FBXO28: variants seen among roughly 807,000 people sequenced by gnomAD.
FBXO28 encodes F-box protein 28, also known as F-box only protein 28.
FBXO28 carries 8 observed loss-of-function variants against 38.1 expected under a neutral mutation model. The observed-to-expected ratio is 0.21, with a 90% confidence interval of 0.12 to 0.38. FBXO28 has a LOEUF of 0.38. FBXO28 is among the 10% of genes least tolerant of loss of function. FBXO28 has a pLI of 1.00. For synonymous variants in FBXO28, 168 were observed against 173.8 expected, an observed-to-expected ratio of 0.97 and a Z score of 0.26; for missense variants, 345 against 460.6, an observed-to-expected ratio of 0.75 and a Z score of 2.30.
In FBXO28 at chr1:224,153,148, G is replaced by A; in HGVS notation, c.523G>A (p.Asp175Asn). The A allele has an allele frequency of 6.3e-7, 1 of 1,588,392 alleles. No individual in the cohort carries two copies. Among genetic ancestry groups the A allele is most frequent in the Non-Finnish European group, 8.5e-7 (1 of 1,173,522 alleles). Residue 175 changes from aspartate to asparagine, a missense_variant, in exon 4 of 5, where the codon GAT becomes AAT. Around this residue, in one of 6 missense-constraint regions of FBXO28, gnomAD observed 24 missense variants for 24.6 expected, o/e 0.98. Transcript: ENST00000366862. ...LCCFIPGKVI[D>N]EIYRVLRYVN... ...TGAGAATTCATTATTTTAGGTGATT[G>A]ATGAGATTTATCGTGTGTTGAGATA... is the stretch of plus-strand genomic sequence containing the variant.
chr1:224,120,888 G>T (rs985817925), intron 1 of FBXO28, among the ~76,000 whole-genome samples: 4 of 148,906 alleles, frequency 2.7e-5, no homozygotes, highest in Non-Finnish European at 4.5e-5. Context: ...AAGAAAGAAA[G>T]AAAAGAAAAT....
In FBXO28 at chr1:224,160,304, T is replaced by TAA. The variant is rs763343565; in HGVS notation, c.*2560_*2561dup. 3 of 152,268 alleles carry TAA rather than the reference T, an allele frequency of 2.0e-5. No individual in the cohort carries two copies. Among genetic ancestry groups the TAA allele is most frequent in the Non-Finnish European group, 4.4e-5 (3 of 68,048 alleles). 9.4% of individuals were successfully genotyped at this position (152,268 alleles called of 1,614,324 possible). On this transcript the variant is annotated 3_prime_UTR_variant, in exon 5 of 5. Coordinates refer to ENST00000366862, the MANE Select transcript of FBXO28 (RefSeq NM_015176.4). The stretch of plus-strand genomic sequence containing the variant: ...TGCCCTGCATTTTAAGTCAGGTATT[T>TAA]AAATACTGCGTGTTGTTAATATTGC...
chr1:224,133,988 T>G (rs917561751), intron 2 of FBXO28, 86 bp from the exon 3 acceptor site: 5 of 942,410 alleles, frequency 5.3e-6, no homozygotes, highest in Non-Finnish European at 7.3e-6. Flanking sequence ...AAAGACTGTT[T>G]CATTAAGCCA....
chr1:224,128,983 CA>C (rs11309343), intron 1 of FBXO28, among the ~76,000 whole-genome samples: 5,357 of 98,092 alleles, frequency 0.055, 270 homozygotes, highest in African/African-American at 0.19. Flanking sequence ...AAGACCCTGT[CA>C]AAAAAAAAAA....
At chr1:224,115,224 C>T (rs187623328) in intron 1 of FBXO28, among the ~76,000 whole-genome samples, 82 of 152,320 alleles carry the variant, frequency 5.4e-4, no homozygotes, top group African/African-American at 1.9e-3. Flanking sequence ...TTTTACTTCA[C>T]TCCAGAGGTT....
At chr1:224,114,428 T>TC (rs778392735) in intron 1 of FBXO28, 32 bp downstream of exon 1, 130 of 1,469,124 alleles carry the variant, frequency 8.8e-5, no homozygotes, top group Non-Finnish European at 1.1e-4. Flanking sequence ...TGCCTCCCTC[T>TC]CCCCCCGGCC....
chr1:224,149,186 T>G (rs559143168), intron 3 of FBXO28, among the ~76,000 whole-genome samples: 1 of 152,330 alleles, frequency 6.6e-6, no homozygotes, highest in East Asian at 1.9e-4. Context: ...TATTCTATAT[T>G]TTTACAAGTC....
intron 1 of FBXO28, among the ~76,000 whole-genome samples, chr1:224,115,929 A>G (rs2102605886): frequency 1.3e-5 from 2 of 152,210 alleles, no homozygotes; most frequent in Middle Eastern, 3.4e-3. Context: ...TGTAGTGGGG[A>G]GGGGGGAACC....
At chr1:224,116,267 G>C (rs989435053) in intron 1 of FBXO28, among the ~76,000 whole-genome samples, 1 of 152,092 alleles carries the variant, frequency 6.6e-6, no homozygotes, top group African/African-American at 2.4e-5. Flanking sequence ...GTCTTTGCTT[G>C]GAAGGTACAA....
At chr1:224,131,727 G>C (rs191408731) in intron 2 of FBXO28, among the ~76,000 whole-genome samples, 1 of 152,224 alleles carries the variant, frequency 6.6e-6, no homozygotes, top group Admixed American at 6.5e-5. Flanking sequence ...ACCCTTAGAA[G>C]AAAACATAGT....
intron 1 of FBXO28, among the ~76,000 whole-genome samples, chr1:224,125,615 C>T (rs371341819): frequency 3.3e-5 from 5 of 151,028 alleles, no homozygotes; most frequent in African/African-American, 1.2e-4. Context: ...TTATTAAGTC[C>T]AACTTCTGCA....
intron 2 of FBXO28, among the ~76,000 whole-genome samples, chr1:224,132,628 A>G (rs1657079784): frequency 1.3e-5 from 2 of 152,090 alleles, no homozygotes. Flanking sequence ...CAACATGGTG[A>G]AACCCAGTCT....
chr1:224,156,843 C>T lies in FBXO28; in HGVS notation c.713-509C>T, dbSNP rs550948589. 1.8e-4 allele frequency among the ~76,000 whole-genome samples: 28 copies of T among 152,014 alleles called. 1 individual carries two copies. The South Asian group carries it at 5.8e-3, about 32-fold the overall frequency. ...TGAAACCCCATCTCTACTAAAAATACGAAAAGAAATTAGCCAGGCGTGGTG... is the reference window on the plus strand; with the variant it reads ...TGAAACCCCATCTCTACTAAAAATATGAAAAGAAATTAGCCAGGCGTGGTG... On this transcript the variant is annotated intron_variant, in intron 4 of 4. Coordinates refer to ENST00000366862, the MANE Select transcript of FBXO28 (RefSeq NM_015176.4).
At chr1:224,139,697 C>T (rs756642750) in intron 3 of FBXO28, among the ~76,000 whole-genome samples, 63 of 151,984 alleles carry the variant, frequency 4.1e-4, no homozygotes, top group Non-Finnish European at 7.6e-4. Context: ...GCCGAGATTG[C>T]GCCACTGTAT....
intron 3 of FBXO28, among the ~76,000 whole-genome samples, chr1:224,137,746 A>G (rs1020776828): frequency 2.6e-5 from 4 of 151,954 alleles, no homozygotes; most frequent in African/African-American, 9.7e-5. Context: ...CCAGCCAGAC[A>G]CCTGTGAGAG....
chr1:224,137,420 G>A (rs1231498090), intron 3 of FBXO28, among the ~76,000 whole-genome samples: 2 of 151,596 alleles, frequency 1.3e-5, no homozygotes, highest in African/African-American at 2.4e-5. Flanking sequence ...TTACTCAGGA[G>A]ACTGAGGCAG....
At chr1:224,156,639 C>T (rs1275211353) in intron 4 of FBXO28, among the ~76,000 whole-genome samples, 1 of 152,150 alleles carries the variant, frequency 6.6e-6, no homozygotes. Context: ...GGATTAGAAA[C>T]GTGCAACCTG....
At position 224,153,139 on chromosome 1, in the gene FBXO28, T is replaced by C; in HGVS notation, c.517-3T>C. On this transcript the variant is annotated splice_polypyrimidine_tract_variant and splice_region_variant and intron_variant, in intron 3 of 4. Coordinates refer to ENST00000366862, the MANE Select transcript of FBXO28 (RefSeq NM_015176.4). ...AAGTGCTAATGAGAATTCATTATTT[T>C]AGGTGATTGATGAGATTTATCGTGT... 1 of 1,586,428 alleles carries C rather than the reference T, an allele frequency of 6.3e-7. No homozygotes were observed. The highest frequency in any genetic ancestry group is 8.5e-7 in the Non-Finnish European group (1 of 1,172,792).
At chr1:224,127,800 G>A (rs1351206660) in intron 1 of FBXO28, among the ~76,000 whole-genome samples, 3 of 152,076 alleles carry the variant, frequency 2.0e-5, no homozygotes, top group East Asian at 1.9e-4. Flanking sequence ...CCAGCTACTC[G>A]GGAGGCTGAG....
Sources: gnomAD v4.1 joint callset for allele counts (sites outside exome capture counted in the v4.1 genomes callset) on GRCh38, gnomAD v4.1.1 for gene constraint, gnomAD v4.1.1 regional missense constraint, MANE v1.5 for transcripts, NCBI Gene and HGNC (gene_info 2026-07-23, HGNC 2026-07-21) for gene names.